FRMD4A: variants seen among roughly 807,000 people sequenced by gnomAD.
FRMD4A encodes FERM domain-containing protein 4A.
Under a neutral mutation model 129.1 loss-of-function variants are expected in FRMD4A, and 29 were observed. That is an observed-to-expected ratio of 0.22 (90% confidence interval 0.17 to 0.31). FRMD4A has a LOEUF of 0.31. FRMD4A is among the 10% of genes least tolerant of loss of function. The probability of loss-of-function intolerance (pLI) is 1.00; values close to 1 mark genes in which losing one functional copy is unlikely to be tolerated. For missense variants in FRMD4A, 1,272 were observed against 1,375.8 expected (o/e 0.92, Z 1.19); for synonymous variants, 634 against 571.6 (o/e 1.11, Z -1.56).
chr10:14,008,563 C>T, intron 2 of FRMD4A: 2 of 938,726 alleles, frequency 2.1e-6, no homozygotes, highest in Non-Finnish European at 2.5e-6. Flanking sequence ...CTAATCAAAG[C>T]TCTATCAGAC....
intron 8 of FRMD4A, among the ~76,000 whole-genome samples, chr10:13,749,568 G>C (rs1314606029): frequency 6.6e-6 from 1 of 152,122 alleles, no homozygotes. Context: ...ACCATTGGAT[G>C]CCCAGTGCCA....
chr10:14,222,360 G>A (rs555828503), intron 2 of FRMD4A, among the ~76,000 whole-genome samples: 8 of 152,276 alleles, frequency 5.3e-5, no homozygotes, highest in East Asian at 1.9e-4. Context: ...GCTCTCTAGC[G>A]TGCGAAATGC....
At chr10:13,933,574 G>C (rs553418418) in intron 2 of FRMD4A, among the ~76,000 whole-genome samples, 7 of 152,194 alleles carry the variant, frequency 4.6e-5, no homozygotes, top group African/African-American at 1.7e-4. Context: ...AATTTTGTCC[G>C]TGACAGGGGT....
At chr10:13,763,896 G>A (rs143132914) in intron 6 of FRMD4A, among the ~76,000 whole-genome samples, 8 of 151,904 alleles carry the variant, frequency 5.3e-5, no homozygotes, top group African/African-American at 1.4e-4. Flanking sequence ...CCACCACACC[G>A]GATAATTTTT....
chr10:14,072,731 C>T (rs1372864015), intron 2 of FRMD4A, among the ~76,000 whole-genome samples: 2 of 152,132 alleles, frequency 1.3e-5, no homozygotes, highest in African/African-American at 2.4e-5. Flanking sequence ...AGCTTTTTGT[C>T]TGCAATCATT....
chr10:14,018,315 G>T (rs868180894), intron 2 of FRMD4A, among the ~76,000 whole-genome samples: 1 of 151,646 alleles, frequency 6.6e-6, no homozygotes, highest in Non-Finnish European at 1.5e-5. Context: ...AATTAGCCGG[G>T]CATGGTGGCA....
intron 2 of FRMD4A, among the ~76,000 whole-genome samples, chr10:14,127,353 T>C: frequency 6.6e-6 from 1 of 152,194 alleles, no homozygotes; most frequent in East Asian, 1.9e-4. Flanking sequence ...AGGTCGTACA[T>C]TTTCTTTTGT....
intron 2 of FRMD4A, among the ~76,000 whole-genome samples, chr10:13,862,007 T>G (rs1210292616): frequency 6.6e-6 from 1 of 152,198 alleles, no homozygotes; most frequent in Non-Finnish European, 1.5e-5. Flanking sequence ...GCTACGCTGA[T>G]TCAGTTCTCA....
chr10:14,330,168 G>A lies in FRMD4A; in HGVS notation c.-66C>T. On this transcript the variant is annotated 5_prime_UTR_variant, in exon 2 of 25. Coordinates refer to ENST00000357447, the MANE Select transcript of FRMD4A (RefSeq NM_018027.5). ...TCCTCCTGGGCCCCGGGTGGCTACA[G>A]AGCATCCAAAAGCACCTGCAGAAAA... The A allele has an allele frequency of 2.0e-6, 3 of 1,511,586 alleles. No individual in the cohort carries two copies. Among genetic ancestry groups the A allele is most frequent in the South Asian group, 2.4e-5 (2 of 83,352 alleles). 93.6% of individuals were successfully genotyped at this position (1,511,586 alleles called of 1,614,324 possible). A position where few individuals can be genotyped will look rare whatever the true frequency, so the allele number is the denominator to read the frequency against.
intron 2 of FRMD4A, among the ~76,000 whole-genome samples, chr10:13,896,191 A>C (rs1257765944): frequency 6.6e-6 from 1 of 152,250 alleles, no homozygotes; most frequent in African/African-American, 2.4e-5. Flanking sequence ...AGGATTATAA[A>C]TCATTCTACT....
At chr10:13,876,662 C>A (rs1241000550) in intron 2 of FRMD4A, among the ~76,000 whole-genome samples, 1 of 152,026 alleles carries the variant, frequency 6.6e-6, no homozygotes, top group African/African-American at 2.4e-5. Context: ...TGGAAGGAGA[C>A]ACAGTATTAT....
chr10:14,042,756 A>G (rs1833828747), intron 2 of FRMD4A, among the ~76,000 whole-genome samples: 1 of 151,750 alleles, frequency 6.6e-6, no homozygotes, highest in African/African-American at 2.4e-5. Flanking sequence ...CGAGGTCAGG[A>G]GTTTGAGACC....
rs373217998 is a variant in FRMD4A at position 14,288,793 on chromosome 10, C to G, written c.45+41265G>C. On this transcript the variant is annotated intron_variant, in intron 2 of 24. Transcript: ENST00000357447. ...GCAACGCCCCATTTCTCCCTCTCCT[C>G]CAGCCCCTGCAACCACCTTCTACTC... Among the ~76,000 whole-genome samples the G allele has an allele frequency of 3.9e-5, 6 of 152,152 alleles. No individual in the cohort carries two copies. In the East Asian group the frequency reaches 9.6e-4, roughly 24 times the overall value.
At chr10:14,093,080 G>A (rs1397908417) in intron 2 of FRMD4A, among the ~76,000 whole-genome samples, 1 of 152,180 alleles carries the variant, frequency 6.6e-6, no homozygotes, top group South Asian at 2.1e-4. Flanking sequence ...GGGCACGGAC[G>A]GGGATCACAT....
intron 2 of FRMD4A, among the ~76,000 whole-genome samples, chr10:13,994,024 T>G (rs1377629280): frequency 6.6e-6 from 1 of 151,202 alleles, no homozygotes; most frequent in African/African-American, 2.4e-5. Flanking sequence ...TTTTTTTTTT[T>G]TTTGAGATGG....
chr10:14,190,096 C>G (rs1842271251), intron 2 of FRMD4A, among the ~76,000 whole-genome samples: 1 of 152,212 alleles, frequency 6.6e-6, no homozygotes, highest in Admixed American at 6.5e-5. Flanking sequence ...CTCATAGACA[C>G]TACCCTTTGA....
intron 2 of FRMD4A, among the ~76,000 whole-genome samples, chr10:14,038,192 G>T (rs535896055): frequency 4.5e-4 from 68 of 152,106 alleles, no homozygotes; most frequent in Non-Finnish European, 8.2e-4. Context: ...GCGAGGTGGC[G>T]GGCGCCTGTA....
chr10:14,090,189 G>C (rs1282588780), intron 2 of FRMD4A, among the ~76,000 whole-genome samples: 1 of 152,210 alleles, frequency 6.6e-6, no homozygotes, highest in African/African-American at 2.4e-5. Context: ...AGACACTCTT[G>C]CTCTTGCCTG....
intron 2 of FRMD4A, among the ~76,000 whole-genome samples, chr10:13,998,718 C>T (rs2095631565): frequency 6.6e-6 from 1 of 152,160 alleles, no homozygotes; most frequent in Non-Finnish European, 1.5e-5. Flanking sequence ...GCCAGCTCTC[C>T]CTTCTAGATA....
Sources: allele counts gnomAD v4.1 joint callset (sites outside exome capture counted in the v4.1 genomes callset), GRCh38; gene constraint gnomAD v4.1.1; transcripts MANE v1.5; gene names NCBI Gene and HGNC (gene_info 2026-07-23, HGNC 2026-07-21).